The following LRRC9 variants were observed in gnomAD, a reference collection of about 807,000 sequenced individuals.
LRRC9 encodes the protein leucine-rich repeat-containing protein 9.
A neutral mutation model predicts 63.2 loss-of-function variants in LRRC9; 122 were observed. The ratio of observed to expected loss-of-function variants is 1.93; its 90% confidence interval spans 1.67 to 2.24. The LOEUF (loss-of-function observed/expected upper bound fraction) is 2.24, where lower values mean the gene tolerates loss of function less well. Among genes scored for constraint, LRRC9 ranks in the 30% most tolerant of loss-of-function variants. The probability of loss-of-function intolerance (pLI) is 0.00; values close to 1 mark genes in which losing one functional copy is unlikely to be tolerated. For synonymous variants in LRRC9, 366 were observed against 213.1 expected (o/e 1.72, Z -6.25); for missense variants, 1,071 against 627.7 (o/e 1.71, Z -7.55).
rs1345896263 is a variant in LRRC9, at chr14:59,932,762, A to G, written c.543+723A>G. Among the ~76,000 whole-genome samples the G allele has an allele frequency of 6.6e-6, 1 of 152,134 alleles. No individual in the cohort carries two copies. Among genetic ancestry groups the G allele is most frequent in the Non-Finnish European group, 1.5e-5 (1 of 68,008 alleles). ...CTATCATCTCTAACCTGCATTAATG[A>G]AAAATATCTTCCTAACAATTTTTCC... On this transcript the variant is annotated intron_variant, in intron 6 of 31. Coordinates refer to ENST00000445360, the Ensembl canonical transcript of LRRC9. This position sits in a 1 kb window ranked among gnomAD's most constrained non-coding sequence, Gnocchi z 4.7.
In LRRC9 at chr14:60,039,096, G is replaced by A. The variant is rs113886048; in HGVS notation, c.3990+7033G>A. ...GATTTACGAATGTTGAACCAGACTT[G>A]CATCCCAGTGATGAAGCCGACTTAA... is the stretch of plus-strand genomic sequence containing the variant. On this transcript the variant is annotated intron_variant, in intron 29 of 31. Coordinates refer to ENST00000445360, the Ensembl canonical transcript of LRRC9. Among the ~76,000 whole-genome samples, 448 of 152,310 alleles carry A rather than the reference G, an allele frequency of 2.9e-3. 3 individuals are homozygous for A. The highest frequency in any genetic ancestry group is 0.01 in the African/African-American group (430 of 41,562).
chr14:60,041,275 C>T (rs772481386), intron 29 of LRRC9, among the ~76,000 whole-genome samples: 37 of 152,092 alleles, frequency 2.4e-4, no homozygotes, highest in Non-Finnish European at 4.1e-4. Flanking sequence ...TCGTGGCATT[C>T]TCTGTATTTC....
At chr14:60,021,819 C>T (rs1005633869) in intron 26 of LRRC9, among the ~76,000 whole-genome samples, 1 of 151,866 alleles carries the variant, frequency 6.6e-6, no homozygotes. Flanking sequence ...TATTTATGTA[C>T]TCAGTTCTGT....
chr14:60,039,005 G>T (rs1892696659), intron 29 of LRRC9, among the ~76,000 whole-genome samples: 1 of 152,162 alleles, frequency 6.6e-6, no homozygotes, highest in African/African-American at 2.4e-5. Flanking sequence ...GGCCTTCTAT[G>T]CATCTATTGA....
In LRRC9 at chr14:59,962,677, A is replaced by G. The variant is rs958632673; in HGVS notation, c.1211+1632A>G. Among the ~76,000 whole-genome samples, 4 of 152,196 alleles carry G rather than the reference A, an allele frequency of 2.6e-5. No individual in the cohort carries two copies. The highest frequency in any genetic ancestry group is 4.4e-5 in the Non-Finnish European group (3 of 68,030). ...CTCGGCCTCCCAAAGTGCTGAGATC[A>G]CAGGCATGAGCCACTGTGCCCAGCT... is the stretch of plus-strand genomic sequence containing the variant. On this transcript the variant is annotated intron_variant, in intron 10 of 31. Coordinates refer to ENST00000445360, the Ensembl canonical transcript of LRRC9. The surrounding 1 kb of genome is among the most constrained non-coding windows in gnomAD (Gnocchi z 5.1).
At chr14:60,057,037 A>G (rs1000476857) in intron 30 of LRRC9, among the ~76,000 whole-genome samples, 2 of 152,204 alleles carry the variant, frequency 1.3e-5, no homozygotes, top group African/African-American at 4.8e-5. Context: ...GAGCAGCTTT[A>G]GTAAAAGGAC....
At chr14:59,998,961 T>C in intron 18 of LRRC9, 140 bp from the exon 19 acceptor site, 1 of 453,170 alleles carries the variant, frequency 2.2e-6, no homozygotes. Flanking sequence ...ATTATTTAAA[T>C]AATTAAGCTT....
At position 60,053,270 on chromosome 14, in the gene LRRC9, T is replaced by A; in HGVS notation, c.4131+65T>A. 1 of 649,466 alleles carries A rather than the reference T, an allele frequency of 1.5e-6. No individual in the cohort carries two copies. Among genetic ancestry groups the A allele is most frequent in the Non-Finnish European group, 2.8e-6 (1 of 359,140 alleles). The allele number at this position is 649,466 out of a possible 1,614,324, so 40.2% of individuals were successfully genotyped here. ...ATTAATGGTTAGTAAATGAACATTA[T>A]ATCTTTTGATTTAAATGTTTAAACC... On this transcript the variant is annotated intron_variant, in intron 30 of 31. Coordinates refer to ENST00000445360, the Ensembl canonical transcript of LRRC9. The surrounding 1 kb of genome is among the most constrained non-coding windows in gnomAD (Gnocchi z 4.8).
chr14:59,986,693 T>G lies in LRRC9; in HGVS notation c.2211+1469T>G, dbSNP rs780171394. 1.3e-5 allele frequency among the ~76,000 whole-genome samples: 2 copies of G among 152,194 alleles called. No homozygotes were observed. Among genetic ancestry groups the G allele is most frequent in the Non-Finnish European group, 2.9e-5 (2 of 68,024 alleles). On this transcript the variant is annotated intron_variant, in intron 17 of 31. Transcript: ENST00000445360. This position sits in a 1 kb window ranked among gnomAD's most constrained non-coding sequence, Gnocchi z 4.7. The stretch of plus-strand genomic sequence containing the variant: ...AAAGAGTAAACTCATTCAAGACACT[T>G]AGATAGAGAGTGAGCTTAGCCAGCT...
intron 6 of LRRC9, among the ~76,000 whole-genome samples, chr14:59,937,802 T>C (rs1409258934): frequency 1.3e-5 from 2 of 151,964 alleles, no homozygotes; most frequent in East Asian, 3.9e-4. Context: ...CATCCATAGG[T>C]TGTGAGAAAA....
At chr14:59,952,393 A>C (rs1042584999) in intron 8 of LRRC9, among the ~76,000 whole-genome samples, 8 of 152,008 alleles carry the variant, frequency 5.3e-5, no homozygotes, top group Non-Finnish European at 1.0e-4. Context: ...GCCTGCGCCC[A>C]CTGTCTGGCA....
At position 59,935,060 on chromosome 14, in the gene LRRC9, C is replaced by T. The variant is rs542614819; in HGVS notation, c.543+3021C>T. 6.0e-4 allele frequency among the ~76,000 whole-genome samples: 89 copies of T among 147,916 alleles called. 1 individual carries two copies. Among genetic ancestry groups the T allele is most frequent in the Admixed American group, 1.7e-3 (25 of 14,604 alleles). On this transcript the variant is annotated intron_variant, in intron 6 of 31. Coordinates refer to ENST00000445360, the Ensembl canonical transcript of LRRC9. ...TGTCACTTTGGGAGGCCGAGGCGGG[C>T]GGATCACTTGAGATCAGGAGTTTGA...
chr14:59,958,831 C>A lies in LRRC9; in HGVS notation c.883-987C>A, dbSNP rs1442171764. On this transcript the variant is annotated intron_variant, in intron 8 of 31. Coordinates refer to ENST00000445360, the Ensembl canonical transcript of LRRC9. This position sits in a 1 kb window ranked among gnomAD's most constrained non-coding sequence, Gnocchi z 4.0. ...AGCATAGTAACCCGGCTGGGTAGCA[C>A]AGTCCCTCACAGCTTACCTTGGCTG... Among the ~76,000 whole-genome samples the A allele has an allele frequency of 6.6e-6, 1 of 152,202 alleles. No individual in the cohort carries two copies. The highest frequency in any genetic ancestry group is 1.5e-5 in the Non-Finnish European group (1 of 68,036).
chr14:59,936,204 T>A lies in LRRC9; in HGVS notation c.544-2186T>A, dbSNP rs1890123631. Among the ~76,000 whole-genome samples the A allele has an allele frequency of 6.6e-6, 1 of 152,198 alleles. No individual in the cohort carries two copies. The highest frequency in any genetic ancestry group is 6.5e-5 in the Admixed American group (1 of 15,272). On this transcript the variant is annotated intron_variant, in intron 6 of 31. Coordinates refer to ENST00000445360, the Ensembl canonical transcript of LRRC9. This position sits in a 1 kb window ranked among gnomAD's most constrained non-coding sequence, Gnocchi z 4.2. ...CTGCTGTATTTCAGTATCTTCATTT[T>A]AAAAATGATGATAGCAGGATTATTA...
At chr14:59,969,722 T>G (rs542642695) in intron 12 of LRRC9, among the ~76,000 whole-genome samples, 1 of 152,268 alleles carries the variant, frequency 6.6e-6, no homozygotes, top group South Asian at 2.1e-4. Flanking sequence ...AAGTGTTCAG[T>G]AGTAAGGGTG....
At chr14:59,974,793 GTT>G (rs1053198520) in intron 13 of LRRC9, 85 bp downstream of exon 13, 93 of 511,898 alleles carry the variant, frequency 1.8e-4, no homozygotes, top group South Asian at 9.8e-4. Flanking sequence ...CTGATACTTG[GTT>G]TTATCAACCA....
intron 31 of LRRC9, chr14:60,062,166 CAAGAT>C (rs1322419188): frequency 5.0e-6 from 2 of 398,494 alleles, no homozygotes; most frequent in Non-Finnish European, 8.9e-6. Context: ...CCAGAGCAAC[CAAGAT>C]AAGAGAAGGT....
At position 59,990,171 on chromosome 14, in the gene LRRC9, CCCG is replaced by C. The variant is rs1887924722; in HGVS notation, c.2211+4950_2211+4952del. Among the ~76,000 whole-genome samples, 1 of 152,254 alleles carries C rather than the reference CCCG, an allele frequency of 6.6e-6. No individual in the cohort carries two copies. The highest frequency in any genetic ancestry group is 2.1e-4 in the South Asian group (1 of 4,828). Reference sequence around the variant, plus strand: ...TGAACTCCCGACTTCAGGTGATCTGCCCGCCTCGACCTCCCAAAGTGCTGGGAT... The same window carrying C: ...TGAACTCCCGACTTCAGGTGATCTGCCCTCGACCTCCCAAAGTGCTGGGAT... On this transcript the variant is annotated intron_variant, in intron 17 of 31. Coordinates refer to ENST00000445360, the Ensembl canonical transcript of LRRC9. This position sits in a 1 kb window ranked among gnomAD's most constrained non-coding sequence, Gnocchi z 4.2.
In LRRC9 at chr14:59,966,283, AG is replaced by A. The variant is rs1165505848; in HGVS notation, c.1212-305del. ...ATCCCTGGGCAGTTCAACATCTAAA[AG>A]TCTGTCTGAGAAGACCCAGCAAGAA... On this transcript the variant is annotated intron_variant, in intron 10 of 31. Coordinates refer to ENST00000445360, the Ensembl canonical transcript of LRRC9. The surrounding 1 kb of genome is among the most constrained non-coding windows in gnomAD (Gnocchi z 4.0). Among the ~76,000 whole-genome samples, 3 of 152,216 alleles carry A rather than the reference AG, an allele frequency of 2.0e-5. No individual in the cohort carries two copies. Among genetic ancestry groups the A allele is most frequent in the Non-Finnish European group, 2.9e-5 (2 of 68,030 alleles).
Sources: gnomAD v4.1 joint callset for allele counts (sites outside exome capture counted in the v4.1 genomes callset) on GRCh38, gnomAD v4.1.1 for gene constraint, Gnocchi (gnomAD v3.1) non-coding constraint, MANE v1.5 for transcripts, NCBI Gene and HGNC (gene_info 2026-07-23, HGNC 2026-07-21) for gene names.